ZC3H12B: variants seen among roughly 807,000 people sequenced by gnomAD.
ZC3H12B encodes zinc finger CCCH-type containing 12B, also known as probable ribonuclease ZC3H12B.
ZC3H12B carries 7 observed loss-of-function variants against 43.9 expected under a neutral mutation model. That is an observed-to-expected ratio of 0.16 (90% CI 0.09 to 0.30). The LOEUF (loss-of-function observed/expected upper bound fraction) is 0.30. Ranked by LOEUF, ZC3H12B falls within the 10% of genes least tolerant of loss-of-function variation. The probability of loss-of-function intolerance (pLI) is 1.00; values close to 1 mark genes in which losing one functional copy is unlikely to be tolerated. For synonymous variants in ZC3H12B, 222 were observed against 241.7 expected (o/e 0.92, Z 0.76); for missense variants, 475 against 670.2 (o/e 0.71, Z 3.22).
At chrX:65,443,095 T>A (rs776030633) in intron 3 of ZC3H12B, among the ~76,000 whole-genome samples, 11 of 111,809 alleles carry the variant, frequency 9.8e-5, no homozygotes, top group Non-Finnish European at 1.9e-4. Flanking sequence ...AAACATGCTC[T>A]GTAACCTCTT....
intron 3 of ZC3H12B, among the ~76,000 whole-genome samples, chrX:65,482,760 T>TA (rs1042875169): frequency 2.7e-5 from 3 of 111,976 alleles, no homozygotes; most frequent in Non-Finnish European, 5.6e-5. Context: ...CCTGGAGACA[T>TA]ACGTCCTTTC....
the ZC3H12B span, among the ~76,000 whole-genome samples, chrX:65,234,983 G>A: frequency 2.1e-3 from 230 of 111,755 alleles, no homozygotes; most frequent in Middle Eastern, 4.6e-3. Context: ...GAGGATAATG[G>A]CTTCCAGCTC....
At chrX:65,066,320 G>T in the ZC3H12B span, among the ~76,000 whole-genome samples, 2 of 111,101 alleles carry the variant, frequency 1.8e-5, no homozygotes, top group Admixed American at 9.5e-5. Context: ...CTTTGGATGG[G>T]TTTTTTGTGG....
At chrX:65,289,777 A>C in the ZC3H12B span, among the ~76,000 whole-genome samples, 1 of 110,554 alleles carries the variant, frequency 9.0e-6, no homozygotes, top group African/African-American at 3.3e-5. Flanking sequence ...AATGTTGGAC[A>C]GTCATATGCA....
At chrX:65,264,952 G>A in the ZC3H12B span, among the ~76,000 whole-genome samples, 83 of 111,535 alleles carry the variant, frequency 7.4e-4, 2 homozygotes, top group Admixed American at 7.9e-3. Context: ...TGTATGGATA[G>A]GAAACTGCGA....
the ZC3H12B span, among the ~76,000 whole-genome samples, chrX:65,221,554 T>C: frequency 9.0e-6 from 1 of 111,529 alleles, no homozygotes; most frequent in Non-Finnish European, 1.9e-5. Context: ...TCTAGGCTAC[T>C]GTGAACACCT....
intron 3 of ZC3H12B, among the ~76,000 whole-genome samples, chrX:65,406,869 C>A (rs2066835307): frequency 8.9e-6 from 1 of 112,512 alleles, no homozygotes; most frequent in East Asian, 2.8e-4. Flanking sequence ...CGTCCCGCGG[C>A]GACCAAAATC....
At chrX:65,501,943 G>A (rs1488686682) in exon 5 of ZC3H12B, 5 of 1,211,047 alleles carry the variant, frequency 4.1e-6, no homozygotes, top group Admixed American at 2.2e-5. Flanking sequence ...GTGGCACAGG[G>A]ATGTCTAGTG....
chrX:65,244,315 T>G, the ZC3H12B span, among the ~76,000 whole-genome samples: 1 of 111,123 alleles, frequency 9.0e-6, no homozygotes, highest in Non-Finnish European at 1.9e-5. Flanking sequence ...AAGATCACCA[T>G]AACAGATGTA....
the ZC3H12B span, among the ~76,000 whole-genome samples, chrX:65,166,753 G>A: frequency 8.9e-6 from 1 of 111,917 alleles, no homozygotes; most frequent in East Asian, 2.8e-4. Flanking sequence ...GGTGTGAGAT[G>A]GTATCTCATT....
the ZC3H12B span, among the ~76,000 whole-genome samples, chrX:65,232,412 A>G: frequency 9.0e-6 from 1 of 111,484 alleles, no homozygotes; most frequent in Non-Finnish European, 1.9e-5. Context: ...CAATATAAAA[A>G]GATGAAAAAA....
At chrX:65,157,165 G>C in the ZC3H12B span, among the ~76,000 whole-genome samples, 7 of 110,500 alleles carry the variant, frequency 6.3e-5, no homozygotes, top group Admixed American at 1.9e-4. Flanking sequence ...ATTTTTTGTA[G>C]AGACAGAGTT....
At chrX:65,041,418 G>A in the ZC3H12B span, among the ~76,000 whole-genome samples, 1 of 111,873 alleles carries the variant, frequency 8.9e-6, no homozygotes, top group African/African-American at 3.3e-5. Flanking sequence ...ATTAAAATAA[G>A]TTATAAGAAG....
the ZC3H12B span, among the ~76,000 whole-genome samples, chrX:65,151,492 T>C: frequency 8.9e-5 from 10 of 111,991 alleles, no homozygotes; most frequent in Admixed American, 7.6e-4. Flanking sequence ...AATAAGTTTG[T>C]TTAATGGAAA....
intron 3 of ZC3H12B, among the ~76,000 whole-genome samples, chrX:65,431,390 A>G (rs2067159938): frequency 8.9e-6 from 1 of 112,094 alleles, no homozygotes; most frequent in Non-Finnish European, 1.9e-5. Context: ...AGAGGTTTGT[A>G]TTTGTTTTTG....
In ZC3H12B at chrX:65,435,303, G is replaced by A. The variant is rs1227558713; in HGVS notation, n.407+36599G>A. Among the ~76,000 whole-genome samples, 3 of 111,825 alleles carry A rather than the reference G, an allele frequency of 2.7e-5. No individual in the cohort carries two copies. In the East Asian group the frequency reaches 8.4e-4, roughly 31 times the overall value. On this transcript the variant is annotated intron_variant and non_coding_transcript_variant, in intron 3 of 5. Transcript: ENST00000617377. ...ATCACTTCATCCAGCAACATTAGGAGCAAACAACCATCATTATATCTCTTA... is the reference window on the plus strand; with the variant it reads ...ATCACTTCATCCAGCAACATTAGGAACAAACAACCATCATTATATCTCTTA...
the ZC3H12B span, among the ~76,000 whole-genome samples, chrX:65,154,175 A>G: frequency 8.9e-6 from 1 of 111,743 alleles, no homozygotes; most frequent in East Asian, 2.8e-4. Context: ...TCACATGTAT[A>G]CATATGTAAC....
chrX:65,408,636 A>G, intron 3 of ZC3H12B: 3 of 1,078,834 alleles, frequency 2.8e-6, no homozygotes, highest in Non-Finnish European at 3.8e-6. Flanking sequence ...GACAAGAAGC[A>G]TCAAGATGCA....
At chrX:65,381,233 C>G (rs746438351) in intron 2 of ZC3H12B, among the ~76,000 whole-genome samples, 2 of 111,602 alleles carry the variant, frequency 1.8e-5, no homozygotes, top group South Asian at 7.5e-4. Context: ...CGTAAAAGAA[C>G]AGAAATTATA....
Sources: allele counts gnomAD v4.1 joint callset (sites outside exome capture counted in the v4.1 genomes callset), GRCh38; gene constraint gnomAD v4.1.1; transcripts MANE v1.5; gene names NCBI Gene and HGNC (gene_info 2026-07-23, HGNC 2026-07-21).